PLXDC2: variants seen among roughly 807,000 people sequenced by gnomAD.
PLXDC2 encodes plexin domain-containing protein 2.
In PLXDC2, 40 loss-of-function variants were observed where a neutral mutation model predicts 68.9. The ratio of observed to expected loss-of-function variants is 0.58; its 90% CI spans 0.45 to 0.76. The LOEUF (loss-of-function observed/expected upper bound fraction) is 0.76, where lower values mean the gene tolerates loss of function less well. PLXDC2 is among the 30% of genes least tolerant of loss of function. The pLI, the probability that PLXDC2 is intolerant of heterozygous loss-of-function variation, is 0.00. For synonymous variants in PLXDC2, 243 were observed against 234.2 expected (o/e 1.04, Z -0.34); for missense variants, 644 against 661.9 (o/e 0.97, Z 0.30).
intron 1 of PLXDC2, among the ~76,000 whole-genome samples, chr10:19,979,954 C>A (rs1285388128): frequency 6.6e-6 from 1 of 152,174 alleles, no homozygotes; most frequent in Admixed American, 6.5e-5. Context: ...GAAAAGGTCT[C>A]CTTAAAAAAC....
intron 2 of PLXDC2, among the ~76,000 whole-genome samples, chr10:20,037,891 C>A (rs1010565224): frequency 6.6e-6 from 1 of 152,092 alleles, no homozygotes; most frequent in African/African-American, 2.4e-5. Context: ...AGTATTCTGA[C>A]CTTACAGTAA....
At chr10:20,116,304 G>C (rs1436108697) in intron 4 of PLXDC2, among the ~76,000 whole-genome samples, 1 of 152,126 alleles carries the variant, frequency 6.6e-6, no homozygotes, top group Admixed American at 6.5e-5. Context: ...GCACTTGGAA[G>C]GTCTTTTTCT....
At chr10:20,183,152 G>A (rs553830197) in intron 9 of PLXDC2, among the ~76,000 whole-genome samples, 1 of 152,050 alleles carries the variant, frequency 6.6e-6, no homozygotes, top group East Asian at 2.0e-4. Context: ...AGTCTGAGAT[G>A]CCTATCAGAC....
At chr10:20,234,650 T>C (rs1835408974) in intron 12 of PLXDC2, among the ~76,000 whole-genome samples, 2 of 150,706 alleles carry the variant, frequency 1.3e-5, no homozygotes, top group Non-Finnish European at 2.9e-5. Context: ...AATTTTGTTT[T>C]CAGGGTTTCT....
At chr10:20,031,489 A>G (rs112615020) in intron 2 of PLXDC2, among the ~76,000 whole-genome samples, 2,697 of 152,316 alleles carry the variant, frequency 0.018, 77 homozygotes, top group African/African-American at 0.061. Context: ...TTCTTGAAAT[A>G]TCCATTCTCT....
intron 4 of PLXDC2, among the ~76,000 whole-genome samples, chr10:20,116,835 C>T (rs1248692975): frequency 1.3e-5 from 2 of 151,974 alleles, no homozygotes; most frequent in East Asian, 3.9e-4. Context: ...AGGTCTCTGA[C>T]TTGTATTTTG....
At chr10:20,015,460 G>A (rs1218041065) in intron 2 of PLXDC2, among the ~76,000 whole-genome samples, 1 of 152,040 alleles carries the variant, frequency 6.6e-6, no homozygotes, top group East Asian at 1.9e-4. Context: ...ACTTTTGTGG[G>A]AGAAATTAAT....
intron 1 of PLXDC2, among the ~76,000 whole-genome samples, chr10:19,867,851 G>A (rs1450066623): frequency 6.6e-6 from 1 of 152,072 alleles, no homozygotes; most frequent in Non-Finnish European, 1.5e-5. Context: ...ATGTATAAAT[G>A]TACCCTTGAA....
intron 1 of PLXDC2, among the ~76,000 whole-genome samples, chr10:19,953,142 G>A (rs74122122): frequency 0.025 from 3,812 of 152,214 alleles, 165 homozygotes; most frequent in African/African-American, 0.086. Context: ...GAATTCTATA[G>A]TTTCTGTACA....
intron 3 of PLXDC2, among the ~76,000 whole-genome samples, chr10:20,062,444 A>T (rs1026652908): frequency 6.6e-6 from 1 of 152,060 alleles, no homozygotes; most frequent in East Asian, 1.9e-4. Flanking sequence ...AAATAATAAA[A>T]AATAAATTTA....
chr10:19,989,132 T>C (rs1007859609), intron 1 of PLXDC2, among the ~76,000 whole-genome samples: 5 of 152,090 alleles, frequency 3.3e-5, no homozygotes, highest in Admixed American at 6.6e-5. Context: ...ACAATACAAA[T>C]CCAGTTTTCT....
intron 4 of PLXDC2, among the ~76,000 whole-genome samples, chr10:20,078,044 C>T (rs181830755): frequency 2.3e-4 from 35 of 152,204 alleles, no homozygotes; most frequent in African/African-American, 7.9e-4. Context: ...TTTACTCCAA[C>T]GTATTTTCAT....
chr10:19,944,042 C>A (rs115622816), intron 1 of PLXDC2, among the ~76,000 whole-genome samples: 2 of 152,152 alleles, frequency 1.3e-5, no homozygotes, highest in Non-Finnish European at 2.9e-5. Context: ...GATGCAGAAA[C>A]GGCCACAAAT....
intron 13 of PLXDC2, 98 bp from the exon 14 acceptor site, chr10:20,279,605 A>T: frequency 1.1e-6 from 1 of 897,486 alleles, no homozygotes; most frequent in Non-Finnish European, 1.8e-6. Flanking sequence ...TGTGTTAATT[A>T]ATTCAACATT....
chr10:19,859,323 C>T (rs879548999), intron 1 of PLXDC2, among the ~76,000 whole-genome samples: 8 of 152,120 alleles, frequency 5.3e-5, no homozygotes, highest in South Asian at 4.1e-4. Context: ...GCCAAAGCAA[C>T]GCTGTAAAAC....
chr10:20,002,941 C>G (rs563482102), intron 2 of PLXDC2, among the ~76,000 whole-genome samples: 161 of 152,184 alleles, frequency 1.1e-3, no homozygotes, highest in African/African-American at 3.8e-3. Context: ...AAATATGGAA[C>G]AGTTCTGGAC....
chr10:20,085,820 T>C (rs1833184486), intron 4 of PLXDC2, among the ~76,000 whole-genome samples: 1 of 152,196 alleles, frequency 6.6e-6, no homozygotes, highest in Non-Finnish European at 1.5e-5. Context: ...AGACTGCCTT[T>C]ATATAACATC....
chr10:20,164,434 CT>C, intron 6 of PLXDC2, 33 bp from the exon 7 acceptor site: 1 of 1,521,344 alleles, frequency 6.6e-7, no homozygotes, highest in Non-Finnish European at 9.1e-7. Context: ...AAATTCAGAT[CT>C]AACATATAGT....
intron 4 of PLXDC2, among the ~76,000 whole-genome samples, chr10:20,120,230 TAA>T (rs1309419407): frequency 6.6e-6 from 1 of 152,168 alleles, no homozygotes; most frequent in Non-Finnish European, 1.5e-5. Flanking sequence ...TGGGGCCTAA[TAA>T]AAAGAGTGTC....
Sources: gnomAD v4.1 joint callset for allele counts (sites outside exome capture counted in the v4.1 genomes callset) on GRCh38, gnomAD v4.1.1 for gene constraint, MANE v1.5 for transcripts, NCBI Gene and HGNC (gene_info 2026-07-23, HGNC 2026-07-21) for gene names.